Variants in RNF157 observed in about 807,000 individuals in gnomAD.
RNF157 encodes ring finger protein 157.
In RNF157, 55 loss-of-function variants were observed where a neutral mutation model predicts 88.3. The ratio of observed to expected loss-of-function variants is 0.62; its 90% CI spans 0.50 to 0.78. The LOEUF (loss-of-function observed/expected upper bound fraction) is 0.78, where lower values mean the gene tolerates loss of function less well. RNF157 is among the 30% of genes least tolerant of loss of function. The pLI is 0.00. For missense variants in RNF157, 788 were observed against 860.8 expected (o/e 0.92, Z 1.06); for synonymous variants, 334 against 341.2 (o/e 0.98, Z 0.23).
At chr17:76,194,553 C>A (rs2069441296) in intron 2 of RNF157, among the ~76,000 whole-genome samples, 1 of 152,160 alleles carries the variant, frequency 6.6e-6, no homozygotes, top group African/African-American at 2.4e-5. Flanking sequence ...ACAAATAACT[C>A]ATTTAAAATA....
In RNF157 at chr17:76,185,504, C is replaced by T. The variant is rs1451473413; in HGVS notation, c.208-11714G>A. 2.5e-3 allele frequency among the ~76,000 whole-genome samples: 346 copies of T among 136,800 alleles called. 4 individuals carry two copies. Among genetic ancestry groups the T allele is most frequent in the African/African-American group, 8.6e-3 (278 of 32,310 alleles). 89.7% of individuals were successfully genotyped at this position (136,800 alleles called of 152,430 possible). A position where few individuals can be genotyped will look rare whatever the true frequency, so the allele number is the denominator to read the frequency against. On this transcript the variant is annotated intron_variant, in intron 2 of 18. Transcript: ENST00000269391. Reference sequence around the variant, plus strand: ...TTTTTTTTTGAGACGGAGTCTCGCTCTGTCGCCCAGGCTGGAGTGCAGTGG... The same window carrying T: ...TTTTTTTTTGAGACGGAGTCTCGCTTTGTCGCCCAGGCTGGAGTGCAGTGG...
At chr17:76,235,389 G>A (rs111250983) in intron 1 of RNF157, among the ~76,000 whole-genome samples, 20,495 of 151,874 alleles carry the variant, frequency 0.13, 2,009 homozygotes, top group African/African-American at 0.26. Context: ...TAGTAGAGAC[G>A]GGGTTTCACC....
At chr17:76,224,009 C>T (rs1237087836) in intron 1 of RNF157, among the ~76,000 whole-genome samples, 3 of 152,196 alleles carry the variant, frequency 2.0e-5, no homozygotes, top group African/African-American at 7.2e-5. Flanking sequence ...TAGTCACTAT[C>T]AGCACTTTCT....
intron 9 of RNF157, chr17:76,162,204 G>A: frequency 1.6e-6 from 1 of 617,748 alleles, no homozygotes; most frequent in Non-Finnish European, 2.8e-6. Flanking sequence ...AAAATTGAGA[G>A]GACGAGACTA....
At position 76,168,358 on chromosome 17, in the gene RNF157, G is replaced by A. The variant is rs548989829; in HGVS notation, c.297-561C>T. On this transcript the variant is annotated intron_variant, in intron 3 of 18. Coordinates refer to ENST00000269391, the MANE Select transcript of RNF157 (RefSeq NM_052916.3). ...CCAGTACATTTGTGTCTGTATTACT[G>A]TGATTACACAAACTTATAATCTATG... Among the ~76,000 whole-genome samples the A allele has an allele frequency of 1.7e-4, 26 of 151,922 alleles. No individual in the cohort carries two copies. The South Asian group carries it at 5.0e-3, about 29-fold the overall frequency.
In RNF157 at chr17:76,152,455, C is replaced by A. The variant is rs115220134; in HGVS notation, c.1821G>T (p.Thr607=). 1,583 of 1,610,684 alleles carry A rather than the reference C, an allele frequency of 9.8e-4. 9 individuals carry two copies. The African/African-American group carries it at 0.019, about 20-fold the overall frequency. The change falls in exon 18 of 19, where the codon ACG becomes ACT. Residue 607 remains threonine, a synonymous_variant. Transcript: ENST00000269391. The part of the protein sequence containing the change: ...DGSPTQEGQR[T]CAFLGMECDN... ...CACACTCCATACCTAGAAATGCGCA[C>A]GTCCTCTGGCCTGTAACGGAGTTAA...
chr17:76,220,523 A>G, intron 1 of RNF157, among the ~76,000 whole-genome samples: 1 of 152,150 alleles, frequency 6.6e-6, no homozygotes. Context: ...GGGTGAGTGA[A>G]TAATTAATAG....
At chr17:76,159,218 G>C in intron 12 of RNF157, 117 bp downstream of exon 12, 4 of 851,544 alleles carry the variant, frequency 4.7e-6, no homozygotes, top group Admixed American at 2.2e-5. Flanking sequence ...GCAGCTCTGG[G>C]AACAGCCCAG....
chr17:76,187,597 T>C (rs1222281759), intron 2 of RNF157, among the ~76,000 whole-genome samples: 1 of 151,908 alleles, frequency 6.6e-6, no homozygotes, highest in Non-Finnish European at 1.5e-5. Context: ...TTTATTTATT[T>C]ATTTATTTTT....
chr17:76,179,710 T>C (rs748782840), intron 2 of RNF157, among the ~76,000 whole-genome samples: 2 of 152,060 alleles, frequency 1.3e-5, no homozygotes, highest in African/African-American at 4.8e-5. Flanking sequence ...AAAATAAGTA[T>C]CTTATTTCAA....
intron 1 of RNF157, among the ~76,000 whole-genome samples, chr17:76,213,496 G>C (rs1217858526): frequency 6.6e-6 from 1 of 150,890 alleles, no homozygotes; most frequent in Non-Finnish European, 1.5e-5. Context: ...CTCGAACCCG[G>C]GAGGCAGAGG....
chr17:76,158,324 T>A, intron 13 of RNF157, 69 bp downstream of exon 13: 1 of 995,576 alleles, frequency 1.0e-6, no homozygotes, highest in South Asian at 1.3e-5. Context: ...AGGGACCTGA[T>A]GAGGCATGCA....
chr17:76,150,983 A>G (rs935756079), intron 18 of RNF157, among the ~76,000 whole-genome samples: 2 of 152,228 alleles, frequency 1.3e-5, no homozygotes, highest in African/African-American at 4.8e-5. Context: ...ACAGATTTAC[A>G]TTTGGCAAAA....
chr17:76,162,221 C>T (rs759345123), intron 9 of RNF157: 14 of 591,970 alleles, frequency 2.4e-5, no homozygotes, highest in South Asian at 1.7e-4. Flanking sequence ...ACTAACCACT[C>T]GAGCTCCTCC....
At chr17:76,179,994 GA>G (rs1176088597) in intron 2 of RNF157, among the ~76,000 whole-genome samples, 1 of 152,188 alleles carries the variant, frequency 6.6e-6, no homozygotes, top group African/African-American at 2.4e-5. Flanking sequence ...TGACAAGGAA[GA>G]CCAGATAAAG....
intron 18 of RNF157, chr17:76,147,733 G>A (rs2068606714): frequency 6.6e-6 from 1 of 152,210 alleles, no homozygotes; most frequent in African/African-American, 2.4e-5. Flanking sequence ...CCTGTCTGCG[G>A]AAAGTCAGTG....
intron 2 of RNF157, among the ~76,000 whole-genome samples, chr17:76,184,390 A>C (rs1343470835): frequency 1.3e-5 from 2 of 151,950 alleles, no homozygotes. Flanking sequence ...ATGCCTGGTT[A>C]TTTTCCCAGC....
chr17:76,230,171 G>A (rs1268894439), intron 1 of RNF157, among the ~76,000 whole-genome samples: 1 of 152,170 alleles, frequency 6.6e-6, no homozygotes. Flanking sequence ...TGAGTCCTTT[G>A]GCAATCCACA....
intron 8 of RNF157, 122 bp downstream of exon 8, chr17:76,164,626 A>T: frequency 1.2e-4 from 55 of 451,782 alleles, no homozygotes; most frequent in Non-Finnish European, 1.8e-4. Flanking sequence ...AAAAAAAAAG[A>T]GGAAAAGGAG....
Sources: allele counts gnomAD v4.1 joint callset (sites outside exome capture counted in the v4.1 genomes callset), GRCh38; gene constraint gnomAD v4.1.1; transcripts MANE v1.5; gene names NCBI Gene and HGNC (gene_info 2026-07-23, HGNC 2026-07-21).